The following CAMKK2 variants were observed in gnomAD, a reference collection of about 807,000 sequenced individuals.
CAMKK2 encodes calcium/calmodulin-dependent protein kinase kinase 2.
CAMKK2 carries 30 observed loss-of-function variants against 67.2 expected under a neutral mutation model. The observed-to-expected ratio is 0.45, with a 90% CI of 0.33 to 0.61. The LOEUF (loss-of-function observed/expected upper bound fraction) is 0.61, where lower values mean the gene tolerates loss of function less well. Among genes scored for constraint, CAMKK2 ranks in the 20% least tolerant of loss-of-function variants. CAMKK2 has a pLI of 0.02. For synonymous variants in CAMKK2, 322 were observed against 326.2 expected, an observed-to-expected ratio of 0.99 and a Z score of 0.14; for missense variants, 643 against 802.0, an observed-to-expected ratio of 0.80 and a Z score of 2.39.
intron 15 of CAMKK2, among the ~76,000 whole-genome samples, chr12:121,244,933 T>C (rs1046136964): frequency 6.6e-6 from 1 of 152,226 alleles, no homozygotes; most frequent in Non-Finnish European, 1.5e-5. Context: ...AAAGGTAAAC[T>C]TCAGGTGGAT....
chr12:121,285,705 G>C lies in CAMKK2; in HGVS notation c.-60+10933C>G, dbSNP rs1490186551. ...CGTACACCTGTAGTCCCAGCTACTA[G>C]GGAGGCTGAGGTGGGAGGATCGCTT... On this transcript the variant is annotated intron_variant, in intron 1 of 16. Coordinates refer to ENST00000404169, the MANE Select transcript of CAMKK2 (RefSeq NM_001270485.2). The surrounding 1 kb of genome is among the most constrained non-coding windows in gnomAD (Gnocchi z 4.1). Among the ~76,000 whole-genome samples the C allele has an allele frequency of 2.0e-5, 3 of 152,026 alleles. No individual in the cohort carries two copies. The highest frequency in any genetic ancestry group is 7.3e-5 in the African/African-American group (3 of 41,370).
At chr12:121,282,056 C>T (rs12099593) in intron 1 of CAMKK2, among the ~76,000 whole-genome samples, 6,402 of 152,070 alleles carry the variant, frequency 0.042, 469 homozygotes, top group African/African-American at 0.15. Context: ...TGAAGGGAGG[C>T]GGTGGGTGAA....
intron 1 of CAMKK2, among the ~76,000 whole-genome samples, chr12:121,275,514 G>A (rs1001419323): frequency 6.9e-6 from 1 of 144,084 alleles, no homozygotes; most frequent in Non-Finnish European, 1.5e-5. Flanking sequence ...AAAAAAGGTC[G>A]GGGGGAATCA....
chr12:121,269,531 G>A lies in CAMKK2; in HGVS notation c.570C>T (p.Tyr190=), dbSNP rs1895306591. The A allele has an allele frequency of 1.9e-6, 3 of 1,603,254 alleles. No individual in the cohort carries two copies. Among genetic ancestry groups the A allele is most frequent in the Admixed American group, 1.7e-5 (1 of 58,954 alleles). The part of the protein sequence containing the change: ...KLAYNENDNT[Y]YAMKVLSKKK... Reference sequence around the variant, plus strand: ...GGAGGAGAATGCGGATACTCACATAGTAGGTATTGTCATTTTCATTGTAGG... The same window carrying A: ...GGAGGAGAATGCGGATACTCACATAATAGGTATTGTCATTTTCATTGTAGG... Residue 190 remains tyrosine, a synonymous_variant, in exon 4 of 17, where the codon TAC becomes TAT. Transcript: ENST00000404169.
intron 5 of CAMKK2, among the ~76,000 whole-genome samples, chr12:121,264,327 A>T (rs1285356955): frequency 6.6e-6 from 1 of 152,168 alleles, no homozygotes; most frequent in African/African-American, 2.4e-5. Context: ...ATTAACTCTT[A>T]TCTCCTTAAC....
At chr12:121,290,782 A>T (rs541003500) in intron 1 of CAMKK2, among the ~76,000 whole-genome samples, 1 of 152,294 alleles carries the variant, frequency 6.6e-6, no homozygotes, top group South Asian at 2.1e-4. Context: ...CCATGAATTG[A>T]TCCAGGAGGC....
intron 6 of CAMKK2, 87 bp downstream of exon 6, chr12:121,263,719 T>C: frequency 1.5e-6 from 2 of 1,360,256 alleles, no homozygotes; most frequent in Non-Finnish European, 2.0e-6. Context: ...TGGTGTGACC[T>C]GGCTCTCCCT....
chr12:121,262,534 C>T (rs1893669251), intron 6 of CAMKK2, among the ~76,000 whole-genome samples: 1 of 150,402 alleles, frequency 6.6e-6, no homozygotes, highest in Non-Finnish European at 1.5e-5. Context: ...ATGTATTACT[C>T]ATGTTAATAC....
rs201172405 is a variant in CAMKK2 at position 121,249,947 on chromosome 12, C to T, written c.1235+14G>A. The T allele has an allele frequency of 1.7e-5, 28 of 1,613,688 alleles. No homozygotes were observed. The highest frequency in any genetic ancestry group is 2.3e-5 in the Non-Finnish European group (27 of 1,179,626). ...CTCGGACAGGAGAGATGCGGGACGG[C>T]GGGAGATACTCACTGGTCTGGAAAT... is the stretch of plus-strand genomic sequence containing the variant. On this transcript the variant is annotated intron_variant, in intron 12 of 16. Transcript: ENST00000404169.
chr12:121,243,958 T>C, intron 16 of CAMKK2: 2 of 1,461,092 alleles, frequency 1.4e-6, no homozygotes, highest in South Asian at 1.4e-5. Context: ...CAGCAGGTTC[T>C]CCCAGTCTCA....
chr12:121,282,606 C>T (rs976251113), intron 1 of CAMKK2, among the ~76,000 whole-genome samples: 3 of 152,134 alleles, frequency 2.0e-5, no homozygotes, highest in Non-Finnish European at 4.4e-5. Context: ...GGCCAAGGAG[C>T]ATCAGAGATT....
At position 121,240,393 on chromosome 12, in the gene CAMKK2, T is replaced by C. The variant is rs185456903; in HGVS notation, c.*306A>G. 9.5e-6 allele frequency: 14 copies of C among 1,475,226 alleles called. 1 individual carries two copies. In the African/African-American group the frequency reaches 1.8e-4, roughly 19 times the overall value. The allele number at this position is 1,475,226 out of a possible 1,614,324, so 91.4% of individuals were successfully genotyped here. On this transcript the variant is annotated 3_prime_UTR_variant, in exon 17 of 17. Transcript: ENST00000404169. The surrounding 1 kb of genome is among the most constrained non-coding windows in gnomAD (Gnocchi z 4.4). ...TCTGACGTGGTTCTGAAAATCACAA[T>C]GAAGGATTTTTGGCATAAAAACGTT...
chr12:121,246,826 C>T (rs1889579123), intron 14 of CAMKK2, among the ~76,000 whole-genome samples: 1 of 149,574 alleles, frequency 6.7e-6, no homozygotes, highest in South Asian at 2.2e-4. Flanking sequence ...CTCCCCCAGC[C>T]CCCCAGCCCC....
At chr12:121,282,368 T>A (rs1162407420) in intron 1 of CAMKK2, among the ~76,000 whole-genome samples, 2 of 152,184 alleles carry the variant, frequency 1.3e-5, no homozygotes, top group Non-Finnish European at 2.9e-5. Context: ...TGAGTTGAAC[T>A]GTGTCCCCCA....
At chr12:121,250,133 A>G in intron 11 of CAMKK2, 99 bp from the exon 12 acceptor site, 3 of 928,230 alleles carry the variant, frequency 3.2e-6, no homozygotes, top group Non-Finnish European at 5.1e-6. Context: ...TACAGCAGAG[A>G]AATCAACAAT....
At chr12:121,292,754 G>A (rs146824968) in intron 1 of CAMKK2, among the ~76,000 whole-genome samples, 1 of 152,130 alleles carries the variant, frequency 6.6e-6, no homozygotes, top group African/African-American at 2.4e-5. Context: ...GATCACTTGA[G>A]TCCAGGAGTT....
chr12:121,297,740 C>G (rs764364907), upstream of CAMKK2: 1 of 511,306 alleles, frequency 2.0e-6, no homozygotes, highest in Non-Finnish European at 3.9e-6. Context: ...ATAAAAGGTT[C>G]AAAGCCCTCT....
intron 1 of CAMKK2, among the ~76,000 whole-genome samples, chr12:121,276,868 G>C (rs1034180494): frequency 4.7e-5 from 6 of 127,660 alleles, no homozygotes; most frequent in African/African-American, 1.8e-4. Flanking sequence ...CCTGCCAACA[G>C]AGGGAGACTC....
At chr12:121,244,114 G>T in intron 16 of CAMKK2, 3 of 1,612,020 alleles carry the variant, frequency 1.9e-6, no homozygotes, top group South Asian at 1.1e-5. Context: ...GCAGGAAGGG[G>T]ACTTATTTTC....
Sources: allele counts gnomAD v4.1 joint callset (sites outside exome capture counted in the v4.1 genomes callset), GRCh38; gene constraint gnomAD v4.1.1; non-coding constraint Gnocchi (gnomAD v3.1); transcripts MANE v1.5; gene names NCBI Gene and HGNC (gene_info 2026-07-23, HGNC 2026-07-21).